TMEM91: variants seen among roughly 807,000 people sequenced by gnomAD.
The protein encoded by TMEM91 is dispanin subfamily C member 3.
A neutral mutation model predicts 13.3 loss-of-function variants in TMEM91; 6 were observed. That is an observed-to-expected ratio of 0.45 (90% confidence interval 0.25 to 0.89). The LOEUF (loss-of-function observed/expected upper bound fraction) is 0.89, where lower values mean the gene tolerates loss of function less well. TMEM91 is among the 40% of genes least tolerant of loss of function. The pLI, the probability that TMEM91 is intolerant of heterozygous loss-of-function variation, is 0.19. For synonymous variants in TMEM91, 87 were observed against 101.7 expected (o/e 0.86, Z 0.87); for missense variants, 193 against 228.7 (o/e 0.84, Z 1.01).
At chr19:41,369,506 TAA>T (rs569474645) in intron 1 of TMEM91, among the ~76,000 whole-genome samples, 25 of 123,230 alleles carry the variant, frequency 2.0e-4, no homozygotes, top group Non-Finnish European at 2.0e-4. Flanking sequence ...ACTGCACCTC[TAA>T]AAAAAAAAAA....
At chr19:41,375,297 T>TTTTTTTTTTC (rs869066634), upstream of TMEM91, among the ~76,000 whole-genome samples, 20 of 113,262 alleles carry the variant, frequency 1.8e-4, 2 homozygotes, top group East Asian at 2.3e-4. Context: ...TTTTTTTTTT[T>TTTTTTTTTTC]TGAGACGGAG....
intron 1 of TMEM91, among the ~76,000 whole-genome samples, chr19:41,366,180 GTATT>G (rs1041253947): frequency 6.0e-5 from 9 of 149,786 alleles, no homozygotes; most frequent in African/African-American, 1.2e-4. Context: ...TGGGGAAAAT[GTATT>G]TATTTATTTA....
Position 41,383,991 on chromosome 19 carries a change from G to A in TMEM91, c.*118G>A, listed in dbSNP as rs999105615. On this transcript the variant is annotated 3_prime_UTR_variant, in exon 4 of 4. Coordinates refer to ENST00000392002, the MANE Select transcript of TMEM91 (RefSeq NM_001098821.2). The stretch of plus-strand genomic sequence containing the variant: ...CGGCGGCAGGAGCATCTAGAAACGG[G>A]AGCGAGCTGGACTGGAACCCTTCCC... The A allele has an allele frequency of 1.4e-5, 21 of 1,480,346 alleles. No individual in the cohort carries two copies. Among genetic ancestry groups the A allele is most frequent in the Non-Finnish European group, 1.9e-5 (21 of 1,117,900 alleles). The allele number at this position is 1,480,346 out of a possible 1,614,324, so 91.7% of individuals were successfully genotyped here.
upstream of TMEM91, chr19:41,364,036 C>T (rs2123149093): frequency 2.3e-5 from 4 of 173,240 alleles, no homozygotes; most frequent in South Asian, 4.2e-4. Context: ...TTCTTTTCTC[C>T]GCGGGCGCCG....
Position 41,381,105 on chromosome 19 carries a change from T to G in TMEM91, c.211-1667T>G, listed in dbSNP as rs1052855065. Among the ~76,000 whole-genome samples the G allele has an allele frequency of 2.8e-5, 4 of 143,802 alleles. No individual in the cohort carries two copies. In the South Asian group the frequency reaches 8.9e-4, roughly 32 times the overall value. The allele number at this position is 143,802 out of a possible 152,430, so 94.3% of individuals were successfully genotyped here. On this transcript the variant is annotated intron_variant, in intron 2 of 3. Transcript: ENST00000392002. ...AAAAAAAAAAAAAAAAAAAAAAGCT[T>G]AAAAATCTAAACTCTAGAGTTTTCA...
In TMEM91 at chr19:41,383,828, C is replaced by T; in HGVS notation, c.474C>T (p.Ala158=). Residue 158 remains alanine (A), a synonymous_variant, in exon 4 of 4, where the codon GCC becomes GCT. Coordinates refer to ENST00000392002, the MANE Select transcript of TMEM91 (RefSeq NM_001098821.2). The part of the protein sequence containing the change: ...VGLGVCTYAA[A]LVTLAAYLAS... ...TGGGCGTGTGCACGTATGCGGCTGC[C>T]CTGGTGACCCTGGCTGCCTACCTTG... 3 of 1,609,872 alleles carry T rather than the reference C, an allele frequency of 1.9e-6. No individual in the cohort carries two copies. Among genetic ancestry groups the T allele is most frequent in the South Asian group, 2.2e-5 (2 of 90,486 alleles).
intron 1 of TMEM91, among the ~76,000 whole-genome samples, chr19:41,365,320 A>G (rs896159537): frequency 6.6e-6 from 1 of 152,188 alleles, no homozygotes; most frequent in Non-Finnish European, 1.5e-5. Context: ...CCCCATTAAT[A>G]ATGCATATAT....
intron 1 of TMEM91, among the ~76,000 whole-genome samples, chr19:41,377,748 C>T (rs80027762): frequency 1.3e-5 from 2 of 151,830 alleles, no homozygotes; most frequent in African/African-American, 2.4e-5. Flanking sequence ...CGGTGGCTCA[C>T]GCCTGTAATC....
chr19:41,383,141 C>A, intron 3 of TMEM91: 1 of 595,066 alleles, frequency 1.7e-6, no homozygotes, highest in Non-Finnish European at 2.8e-6. Context: ...GCAATCTCTG[C>A]CTCTTGGGTT....
intron 2 of TMEM91, among the ~76,000 whole-genome samples, chr19:41,381,663 C>G (rs1481120202): frequency 6.6e-6 from 1 of 152,124 alleles, no homozygotes; most frequent in East Asian, 1.9e-4. Context: ...TGAGCCTGGC[C>G]CATGCCTAGC....
upstream of TMEM91, among the ~76,000 whole-genome samples, chr19:41,374,601 G>C (rs1051444350): frequency 2.0e-5 from 3 of 152,180 alleles, no homozygotes; most frequent in African/African-American, 7.2e-5. Flanking sequence ...TAAGAGGCAA[G>C]GAGCATTATC....
chr19:41,365,854 G>A (rs1259106232), intron 1 of TMEM91, among the ~76,000 whole-genome samples: 1 of 150,854 alleles, frequency 6.6e-6, no homozygotes, highest in Non-Finnish European at 1.5e-5. Context: ...GGGATTGCAG[G>A]CACCCACCAC....
upstream of TMEM91, among the ~76,000 whole-genome samples, chr19:41,371,884 C>G (rs761070087): frequency 6.6e-6 from 1 of 152,002 alleles, no homozygotes; most frequent in African/African-American, 2.4e-5. Context: ...TCCTGACCCC[C>G]CTTTTTTTGA....
chr19:41,372,003 T>A (rs1215146540), upstream of TMEM91, among the ~76,000 whole-genome samples: 2 of 151,662 alleles, frequency 1.3e-5, no homozygotes, highest in Non-Finnish European at 2.9e-5. Context: ...GGACTACAGG[T>A]GTGTGCCACC....
chr19:41,375,297 T>TTTTTTTTTTTTTTTTTTC (rs869066634), upstream of TMEM91, among the ~76,000 whole-genome samples: 108 of 113,366 alleles, frequency 9.5e-4, 2 homozygotes, highest in Non-Finnish European at 1.5e-3. Context: ...TTTTTTTTTT[T>TTTTTTTTTTTTTTTTTTC]TGAGACGGAG....
At chr19:41,366,655 C>T (rs1568488059) in intron 1 of TMEM91, among the ~76,000 whole-genome samples, 1 of 151,082 alleles carries the variant, frequency 6.6e-6, no homozygotes, top group Non-Finnish European at 1.5e-5. Context: ...GACGGGGTTT[C>T]GCCATGTTGG....
At chr19:41,375,950 C>A (rs998857722), upstream of TMEM91, among the ~76,000 whole-genome samples, 1 of 151,932 alleles carries the variant, frequency 6.6e-6, no homozygotes, top group Non-Finnish European at 1.5e-5. Flanking sequence ...AGCGAAATCT[C>A]ATCTACTAAA....
At chr19:41,369,472 C>T (rs2038579474) in intron 1 of TMEM91, among the ~76,000 whole-genome samples, 1 of 150,704 alleles carries the variant, frequency 6.6e-6, no homozygotes, top group Admixed American at 6.6e-5. Flanking sequence ...GCACCCTGCA[C>T]TCCAGCCTGG....
chr19:41,378,367 G>A lies in TMEM91; in HGVS notation c.58G>A (p.Glu20Lys), dbSNP rs200961973. ...QQPLLEGTEC[E>K]TPAQKPGRHE... ...GCCTCTGCTGGAGGGCACAGAATGT[G>A]AGACCCCTGCCCAGAAGCCTGGCAG... The change falls in exon 2 of 4, where the codon GAG (glutamate) becomes AAG (lysine). Residue 20 changes from glutamate (E) to lysine (K), a missense_variant. Coordinates refer to ENST00000392002, the MANE Select transcript of TMEM91 (RefSeq NM_001098821.2). The A allele has an allele frequency of 2.4e-5, 38 of 1,614,198 alleles. No homozygotes were observed. In the African/African-American group the frequency reaches 3.9e-4, roughly 16 times the overall value.
Sources: allele counts gnomAD v4.1 joint callset (sites outside exome capture counted in the v4.1 genomes callset), GRCh38; gene constraint gnomAD v4.1.1; transcripts MANE v1.5; gene names NCBI Gene and HGNC (gene_info 2026-07-23, HGNC 2026-07-21).